VSX2: variants seen among roughly 807,000 people sequenced by gnomAD.
The protein encoded by VSX2 is visual system homeobox 2.
A neutral mutation model predicts 32.1 loss-of-function variants in VSX2; 28 were observed. That is an observed-to-expected ratio of 0.87 (90% CI 0.65 to 1.20). VSX2 has a LOEUF of 1.20. VSX2 is among the 50% of genes most tolerant of loss of function. The pLI is 0.00. For synonymous variants in VSX2, 243 were observed against 214.1 expected, an observed-to-expected ratio of 1.14 and a Z score of -1.18; for missense variants, 506 against 488.7, an observed-to-expected ratio of 1.04 and a Z score of -0.33.
At chr14:74,248,657 C>T (rs1054111659) in intron 3 of VSX2, among the ~76,000 whole-genome samples, 2 of 151,464 alleles carry the variant, frequency 1.3e-5, no homozygotes, top group Non-Finnish European at 2.9e-5. Context: ...CACCACTGCA[C>T]TCTAGCCTGG....
At position 74,260,636 on chromosome 14, in the gene VSX2, G is replaced by T. The variant is rs1311702446; in HGVS notation, c.803G>T (p.Arg268Met). Reference protein sequence around the residue: ...KSLEAAAESGRKPEGERQALP... With the variant: ...KSLEAAAESGMKPEGERQALP... The stretch of plus-strand genomic sequence containing the variant: ...CTGGAGGCAGCAGCCGAGTCGGGGA[G>T]GAAGCCCGAGGGGGAACGCCAGGCC... Residue 268 changes from arginine to methionine, a missense_variant, in exon 5 of 5, where the codon AGG (arginine) becomes ATG (methionine). Transcript: ENST00000261980. 1 of 1,607,340 alleles carries T rather than the reference G, an allele frequency of 6.2e-7. No individual in the cohort carries two copies. Among genetic ancestry groups the T allele is most frequent in the Admixed American group, 1.7e-5 (1 of 59,146 alleles).
rs776538194 is a variant in VSX2 at position 74,245,000 on chromosome 14, G to C, written c.456-165G>C. On this transcript the variant is annotated intron_variant, in intron 2 of 4. Coordinates refer to ENST00000261980, the MANE Select transcript of VSX2 (RefSeq NM_182894.3). ...TGTGTGTGAGAGAGAGAGAGAGAGA[G>C]AGAGAGACAGAGAGAGAGAGAGAGA... is the stretch of plus-strand genomic sequence containing the variant. Among the ~76,000 whole-genome samples the C allele has an allele frequency of 0.015, 1,956 of 127,706 alleles. 120 individuals carry two copies. Among genetic ancestry groups the C allele is most frequent in the Middle Eastern group, 0.032 (8 of 248 alleles). The allele number at this position is 127,706 out of a possible 152,430, so 83.8% of individuals were successfully genotyped here.
At chr14:74,242,713 TGTC>T (rs2079158895) in intron 2 of VSX2, among the ~76,000 whole-genome samples, 1 of 151,958 alleles carries the variant, frequency 6.6e-6, no homozygotes, top group East Asian at 1.9e-4. Flanking sequence ...TGGGTAATCT[TGTC>T]ATCTTCCCCA....
chr14:74,254,180 C>T (rs1251794418), intron 3 of VSX2, among the ~76,000 whole-genome samples: 1 of 151,666 alleles, frequency 6.6e-6, no homozygotes, highest in Non-Finnish European at 1.5e-5. Flanking sequence ...GAGGCCAAGG[C>T]GGGCAGATCA....
chr14:74,247,364 G>A (rs972268927), intron 3 of VSX2, among the ~76,000 whole-genome samples: 3 of 152,298 alleles, frequency 2.0e-5, no homozygotes, highest in East Asian at 1.9e-4. Flanking sequence ...GCTCCTGGCC[G>A]GGCTTCACAT....
At chr14:74,256,159 G>A (rs1441240262) in intron 3 of VSX2, among the ~76,000 whole-genome samples, 5 of 152,074 alleles carry the variant, frequency 3.3e-5, no homozygotes, top group African/African-American at 1.2e-4. Context: ...GGCCAGGCAC[G>A]GTGGCTCACA....
chr14:74,245,095 G>T (rs1364890445), intron 2 of VSX2, 70 bp from the exon 3 acceptor site: 2 of 1,604,224 alleles, frequency 1.2e-6, no homozygotes, highest in South Asian at 1.1e-5. Context: ...AGAGGAAGGC[G>T]GTTCTGTCTT....
chr14:74,248,357 A>AAAC (rs2079207616), intron 3 of VSX2, among the ~76,000 whole-genome samples: 1 of 103,844 alleles, frequency 9.6e-6, no homozygotes, highest in South Asian at 2.9e-4. Flanking sequence ...AAAAACAAAA[A>AAAC]AAACCAAAAA....
chr14:74,241,075 A>G, intron 1 of VSX2, 107 bp from the exon 2 acceptor site: 1 of 1,141,276 alleles, frequency 8.8e-7, no homozygotes. Context: ...GAGACAGAGC[A>G]GGTCCCCGCC....
chr14:74,254,828 C>T (rs1025353821), intron 3 of VSX2, among the ~76,000 whole-genome samples: 20 of 131,664 alleles, frequency 1.5e-4, no homozygotes, highest in East Asian at 2.7e-4. Context: ...CGCCCAGGCT[C>T]GAGTGCAGTG....
intron 1 of VSX2, 147 bp from the exon 2 acceptor site, chr14:74,241,035 G>A (rs1178007658): frequency 5.3e-6 from 4 of 753,964 alleles, no homozygotes; most frequent in East Asian, 5.3e-5. Flanking sequence ...GGGATGGGAC[G>A]GCCACCGGGG....
Position 74,260,601 on chromosome 14 carries a change from C to T in VSX2, c.768C>T (p.His256=), listed in dbSNP as rs537318901. The change falls in exon 5 of 5, where the codon CAC becomes CAT. Residue 256 remains histidine (H), a synonymous_variant. Coordinates refer to ENST00000261980, the MANE Select transcript of VSX2 (RefSeq NM_182894.3). ...DSCAPWLLGM[H]KKSLEAAAES... ...ACCAACAATTCTTTCTAGGGATGCA[C>T]AAAAAGTCGCTGGAGGCAGCAGCCG... The T allele has an allele frequency of 1.9e-6, 3 of 1,602,294 alleles. No individual in the cohort carries two copies. Among genetic ancestry groups the T allele is most frequent in the East Asian group, 2.2e-5 (1 of 44,486 alleles).
rs375426810 is a variant in VSX2, at chr14:74,260,696, G to C, written c.863G>C (p.Arg288Pro). Residue 288 changes from arginine (R) to proline (P), a missense_variant, in exon 5 of 5, where the codon CGG becomes CCG. Arg to Pro is a moderately radical substitution (Grantham distance 103). Transcript: ENST00000261980. ...CTCGACAAGATGGAGCAGGACGAGC[G>C]GGGCCCCGACGCTCAGGCGGCCATC... ...PKLDKMEQDE[R>P]GPDAQAAISQ... The C allele has an allele frequency of 8.8e-6, 14 of 1,595,686 alleles. No individual in the cohort carries two copies. The highest frequency in any genetic ancestry group is 1.2e-5 in the Non-Finnish European group (14 of 1,171,804).
intron 3 of VSX2, among the ~76,000 whole-genome samples, chr14:74,252,843 G>T (rs1342484491): frequency 1.3e-5 from 2 of 151,554 alleles, no homozygotes; most frequent in Non-Finnish European, 2.9e-5. Context: ...GAGGTCAGGG[G>T]TTCGAGACCA....
intron 3 of VSX2, among the ~76,000 whole-genome samples, chr14:74,248,685 T>G (rs2079210511): frequency 7.4e-6 from 1 of 135,860 alleles, no homozygotes; most frequent in Non-Finnish European, 1.6e-5. Flanking sequence ...AGTGAGACTC[T>G]GTCTCAAAAA....
At chr14:74,257,231 C>T (rs901027279) in intron 3 of VSX2, among the ~76,000 whole-genome samples, 2 of 152,246 alleles carry the variant, frequency 1.3e-5, no homozygotes, top group Non-Finnish European at 2.9e-5. Context: ...TGCTGCCACT[C>T]CCTTCAGGGC....
rs570439694 is a variant in VSX2, at chr14:74,247,792, G to A, written c.579+2504G>A. On this transcript the variant is annotated intron_variant, in intron 3 of 4. Transcript: ENST00000261980. The stretch of plus-strand genomic sequence containing the variant: ...TTAATCAATGTTTATTGAGTACCAG[G>A]CACTGTTTAAAAAAAAAAAAACAGC... Among the ~76,000 whole-genome samples, 3 of 132,264 alleles carry A rather than the reference G, an allele frequency of 2.3e-5. No homozygotes were observed. The East Asian group carries it at 5.8e-4, about 26-fold the overall frequency. The allele number at this position is 132,264 out of a possible 152,430, so 86.8% of individuals were successfully genotyped here. A position where few individuals can be genotyped will look rare whatever the true frequency, so the allele number is the denominator to read the frequency against.
chr14:74,255,282 G>A (rs151115379), intron 3 of VSX2, among the ~76,000 whole-genome samples: 189 of 152,326 alleles, frequency 1.2e-3, no homozygotes, highest in African/African-American at 3.6e-3. Flanking sequence ...CATTTACAGA[G>A]CAGTTAGGGT....
chr14:74,259,641 G>A lies in VSX2; in HGVS notation c.619G>A (p.Glu207Lys), dbSNP rs1172201931. Residue 207 changes from glutamate (E) to lysine (K), a missense_variant, in exon 4 of 5, where the codon GAG becomes AAG. Transcript: ENST00000261980. ...QNRRAKWRKR[E>K]KCWGRSSVMA... The stretch of plus-strand genomic sequence containing the variant: ...CCGTCGAGCCAAGTGGAGGAAGCGG[G>A]AGAAGTGCTGGGGCCGGAGCAGTGT... The A allele has an allele frequency of 6.2e-7, 1 of 1,614,226 alleles. No homozygotes were observed. The highest frequency in any genetic ancestry group is 1.1e-5 in the South Asian group (1 of 91,088).
Sources: allele counts gnomAD v4.1 joint callset (sites outside exome capture counted in the v4.1 genomes callset), GRCh38; gene constraint gnomAD v4.1.1; transcripts MANE v1.5; gene names NCBI Gene and HGNC (gene_info 2026-07-23, HGNC 2026-07-21).